NIBAN1: variants seen among roughly 807,000 people sequenced by gnomAD.
NIBAN1 encodes the protein protein Niban 1.
A neutral mutation model predicts 75.1 loss-of-function variants in NIBAN1; 81 were observed. That is an observed-to-expected ratio of 1.08 (90% CI 0.90 to 1.30). The LOEUF is 1.30. Ranked by LOEUF, NIBAN1 falls within the 50% of genes most tolerant of loss-of-function variation. The probability of loss-of-function intolerance (pLI) is 0.00; values close to 1 mark genes in which losing one functional copy is unlikely to be tolerated. For synonymous variants in NIBAN1, 436 were observed against 424.8 expected (o/e 1.03, Z -0.32); for missense variants, 1,133 against 1,128.1 (o/e 1.00, Z -0.06).
chr1:184,884,932 A>T, intron 4 of NIBAN1, 132 bp from the exon 5 acceptor site: 1 of 1,151,842 alleles, frequency 8.7e-7, no homozygotes, highest in South Asian at 1.6e-5. Flanking sequence ...TTTTCACAGG[A>T]TAGGGAAACT....
chr1:184,798,170 C>G lies in NIBAN1; in HGVS notation c.1575G>C (p.Gln525His), dbSNP rs775115262. ...TCKPELQKYE[Q>H]FIFADHTNMI... The stretch of plus-strand genomic sequence containing the variant: ...TATTGGTATGATCTGCAAAGATGAA[C>G]TGCTCGTATTTCTGAAGCTCCTGGA... The change falls in exon 13 of 14, where the codon CAG (glutamine) becomes CAC (histidine). Residue 525 changes from glutamine (Q) to histidine (H), a missense_variant. By Grantham distance (24) the Gln-to-His change is conservative. Coordinates refer to ENST00000367511, the MANE Select transcript of NIBAN1 (RefSeq NM_052966.4). 5 of 1,605,216 alleles carry G rather than the reference C, an allele frequency of 3.1e-6. No individual in the cohort carries two copies. The highest frequency in any genetic ancestry group is 4.3e-6 in the Non-Finnish European group (5 of 1,173,294).
chr1:184,810,927 G>A (rs1211889862), intron 9 of NIBAN1, among the ~76,000 whole-genome samples: 1 of 152,232 alleles, frequency 6.6e-6, no homozygotes, highest in African/African-American at 2.4e-5. Flanking sequence ...GAACACACAA[G>A]GTACCTGCAG....
intron 1 of NIBAN1, among the ~76,000 whole-genome samples, chr1:184,946,181 A>G (rs1658220443): frequency 6.6e-6 from 1 of 152,230 alleles, no homozygotes; most frequent in Admixed American, 6.5e-5. Context: ...GGCACCAATG[A>G]CATCATGTTG....
intron 9 of NIBAN1, among the ~76,000 whole-genome samples, chr1:184,811,577 C>A (rs1654380964): frequency 6.7e-6 from 1 of 149,986 alleles, no homozygotes; most frequent in Admixed American, 6.6e-5. Context: ...GATCTTGGCT[C>A]ACTGAAAGTT....
At chr1:184,974,107 G>A (rs895255170) in intron 1 of NIBAN1, among the ~76,000 whole-genome samples, 195 bp downstream of exon 1, 2 of 152,080 alleles carry the variant, frequency 1.3e-5, no homozygotes, top group African/African-American at 2.4e-5. Context: ...AAGCCCTCCC[G>A]GTCCCCGGTC....
intron 6 of NIBAN1, among the ~76,000 whole-genome samples, chr1:184,825,101 G>A (rs1283141719): frequency 6.6e-6 from 1 of 152,212 alleles, no homozygotes; most frequent in East Asian, 1.9e-4. Flanking sequence ...TGAGAGGGCA[G>A]CTCTCAAAAC....
At chr1:184,930,369 C>T (rs1657788187) in intron 1 of NIBAN1, among the ~76,000 whole-genome samples, 1 of 152,176 alleles carries the variant, frequency 6.6e-6, no homozygotes, top group Admixed American at 6.5e-5. Flanking sequence ...ATGTATCTAT[C>T]AACCCTCATC....
intron 5 of NIBAN1, among the ~76,000 whole-genome samples, chr1:184,837,346 G>C (rs1285519949): frequency 1.3e-5 from 2 of 152,172 alleles, no homozygotes; most frequent in South Asian, 4.1e-4. Flanking sequence ...TTATGAGAAG[G>C]CCTAGGGAGA....
chr1:184,936,946 G>A (rs914451302), intron 1 of NIBAN1, among the ~76,000 whole-genome samples: 4 of 152,038 alleles, frequency 2.6e-5, no homozygotes, highest in Admixed American at 2.6e-4. Flanking sequence ...ATGTTTTCAA[G>A]TAAAGAAACT....
intron 1 of NIBAN1, among the ~76,000 whole-genome samples, chr1:184,964,791 A>G (rs932859512): frequency 6.6e-6 from 1 of 152,246 alleles, no homozygotes; most frequent in African/African-American, 2.4e-5. Flanking sequence ...TGGCATTTCC[A>G]AGAGGGTAGA....
rs369809508 is a variant in NIBAN1 at position 184,795,151 on chromosome 1, C to G, written c.2613G>C (p.Ala871=). Residue 871 remains alanine, a synonymous_variant, in exon 14 of 14, where the codon GCG becomes GCC. Coordinates refer to ENST00000367511, the MANE Select transcript of NIBAN1 (RefSeq NM_052966.4). ...EQEEMGGQSS[A]AQATASVNAE... ...CATTCACACTGGCCGTGGCCTGGGC[C>G]GCGCTGCTTTGCCCTCCCATCTCTT... 3.0e-4 allele frequency: 484 copies of G among 1,614,076 alleles called. No individual in the cohort carries two copies. Among genetic ancestry groups the G allele is most frequent in the Non-Finnish European group, 3.9e-4 (464 of 1,180,054 alleles).
At chr1:184,925,467 G>T (rs558794248) in intron 1 of NIBAN1, among the ~76,000 whole-genome samples, 9 of 152,082 alleles carry the variant, frequency 5.9e-5, no homozygotes, top group African/African-American at 2.2e-4. Context: ...TTTTCTGATT[G>T]CTTTTTGGTC....
At chr1:184,895,099 T>C (rs971057673) in intron 2 of NIBAN1, among the ~76,000 whole-genome samples, 2 of 152,170 alleles carry the variant, frequency 1.3e-5, no homozygotes, top group African/African-American at 4.8e-5. Flanking sequence ...AAAAAATAGA[T>C]ATGCCAATCT....
At chr1:184,943,769 T>C (rs868003743) in intron 1 of NIBAN1, among the ~76,000 whole-genome samples, 25 of 152,196 alleles carry the variant, frequency 1.6e-4, no homozygotes, top group African/African-American at 5.8e-4. Flanking sequence ...TTTGCTCATA[T>C]AAGTGGAATT....
Position 184,899,283 on chromosome 1 carries a change from A to G in NIBAN1, c.82T>C (p.Phe28Leu). ...TACTGACGACTGTAGTAGGGACTGA[A>G]GTTTTTGATGGCAGCCTCAGTTTTC... ...RGKTEAAIKN[F>L]SPYYSRQYSV... The change falls in exon 2 of 14, where the codon TTC (phenylalanine) becomes CTC (leucine). Residue 28 changes from phenylalanine (F) to leucine (L), a missense_variant. Coordinates refer to ENST00000367511, the MANE Select transcript of NIBAN1 (RefSeq NM_052966.4). The G allele has an allele frequency of 6.2e-7, 1 of 1,613,872 alleles. No individual in the cohort carries two copies. Among genetic ancestry groups the G allele is most frequent in the Non-Finnish European group, 8.5e-7 (1 of 1,179,820 alleles).
intron 9 of NIBAN1, among the ~76,000 whole-genome samples, chr1:184,817,078 C>T (rs985938975): frequency 1.2e-4 from 19 of 152,166 alleles, no homozygotes; most frequent in Middle Eastern, 6.8e-3. Flanking sequence ...GCCATGTCCA[C>T]GTGTTCTCAT....
chr1:184,821,345 G>A (rs191910089), intron 8 of NIBAN1: 48 of 152,226 alleles, frequency 3.2e-4, no homozygotes, highest in African/African-American at 9.1e-4. Flanking sequence ...AGCCGAAAGC[G>A]CACTTCCTTG....
At chr1:184,906,298 C>A (rs1657102173) in intron 1 of NIBAN1, among the ~76,000 whole-genome samples, 1 of 151,922 alleles carries the variant, frequency 6.6e-6, no homozygotes, top group African/African-American at 2.4e-5. Context: ...TGCACACACA[C>A]ACACACATTT....
intron 5 of NIBAN1, among the ~76,000 whole-genome samples, chr1:184,861,553 G>GA (rs919531180): frequency 6.7e-6 from 1 of 149,562 alleles, no homozygotes; most frequent in African/African-American, 2.5e-5. Context: ...AGGGAGGGAG[G>GA]AAGGGAAAGA....
Sources: allele counts gnomAD v4.1 joint callset (sites outside exome capture counted in the v4.1 genomes callset), GRCh38; gene constraint gnomAD v4.1.1; transcripts MANE v1.5; gene names NCBI Gene and HGNC (gene_info 2026-07-23, HGNC 2026-07-21).